The following IRAG2 variants were observed in gnomAD, a reference collection of about 807,000 sequenced individuals.
The protein encoded by IRAG2 is inositol 1,4,5-triphosphate receptor associated 2, also known as lymphoid restricted membrane protein.
In IRAG2, 45 loss-of-function variants were observed where a neutral mutation model predicts 69.9. The ratio of observed to expected loss-of-function variants is 0.64; its 90% CI spans 0.51 to 0.83. IRAG2 has a LOEUF of 0.83. IRAG2 is among the 40% of genes least tolerant of loss of function. The probability of loss-of-function intolerance (pLI) is 0.00; values close to 1 mark genes in which losing one functional copy is unlikely to be tolerated. For missense variants in IRAG2, 520 were observed against 587.0 expected, an observed-to-expected ratio of 0.89 and a Z score of 1.18; for synonymous variants, 193 against 202.4, an observed-to-expected ratio of 0.95 and a Z score of 0.40.
intron 15 of IRAG2, among the ~76,000 whole-genome samples, chr12:25,100,000 GAAA>G (rs56728551): frequency 2.1e-3 from 53 of 25,674 alleles, no homozygotes; most frequent in African/African-American, 4.6e-3. Flanking sequence ...GACTCCATCT[GAAA>G]AAAAAAAAAA....
intron 9 of IRAG2, among the ~76,000 whole-genome samples, chr12:25,028,621 G>A (rs536171190): frequency 1.3e-5 from 2 of 151,910 alleles, no homozygotes; most frequent in African/African-American, 4.8e-5. Context: ...ACATATTTTT[G>A]TTATCTGTCA....
intron 14 of IRAG2, 100 bp downstream of exon 14, chr12:25,090,297 C>A: frequency 9.2e-7 from 1 of 1,084,418 alleles, no homozygotes; most frequent in Non-Finnish European, 1.3e-6. Context: ...GCAGGAGGAT[C>A]ATGGGAGACC....
chr12:25,089,973 A>C (rs1266475820), intron 13 of IRAG2, 84 bp from the exon 14 acceptor site: 5 of 1,405,658 alleles, frequency 3.6e-6, no homozygotes, highest in African/African-American at 2.9e-5. Context: ...GAAATGCCTC[A>C]GTATAAAACA....
chr12:25,046,055 G>A (rs1394504196), intron 16 of IRAG2, among the ~76,000 whole-genome samples: 1 of 151,974 alleles, frequency 6.6e-6, no homozygotes, highest in African/African-American at 2.4e-5. Flanking sequence ...ATGCAAGGAT[G>A]GTTCAATATA....
chr12:25,060,641 G>C (rs1945560375), intron 1 of IRAG2, among the ~76,000 whole-genome samples: 1 of 149,954 alleles, frequency 6.7e-6, no homozygotes, highest in Non-Finnish European at 1.5e-5. Context: ...TAGGAGGTCA[G>C]ACTGAATGAC....
At chr12:25,049,052 T>C (rs1361817815), upstream of IRAG2, among the ~76,000 whole-genome samples, 7 of 152,190 alleles carry the variant, frequency 4.6e-5, no homozygotes, top group African/African-American at 1.7e-4. Context: ...ATCAGATGGT[T>C]GCTGGTGTAC....
chr12:25,032,511 T>A (rs1304185057), intron 12 of IRAG2: 1 of 396,804 alleles, frequency 2.5e-6, no homozygotes, highest in Non-Finnish European at 4.4e-6. Flanking sequence ...CCATGAGAAC[T>A]TCTTTGTGAG....
chr12:25,008,274 CTTGA>C (rs1354592947), intron 2 of IRAG2, among the ~76,000 whole-genome samples: 1 of 152,086 alleles, frequency 6.6e-6, no homozygotes, highest in Non-Finnish European at 1.5e-5. Flanking sequence ...AGGATAAAAG[CTTGA>C]TTGATTCTCT....
chr12:25,036,783 G>A, intron 15 of IRAG2: 1 of 395,778 alleles, frequency 2.5e-6, no homozygotes, highest in Non-Finnish European at 4.5e-6. Context: ...CTTTATTGTA[G>A]TCTTCTGCTA....
chr12:25,058,250 A>C (rs2139941331), intron 1 of IRAG2, among the ~76,000 whole-genome samples: 1 of 152,270 alleles, frequency 6.6e-6, no homozygotes, highest in Non-Finnish European at 1.5e-5. Flanking sequence ...CATCTTCAGT[A>C]TTTGGTAGTG....
At chr12:25,082,032 C>G (rs866017253) in intron 9 of IRAG2, among the ~76,000 whole-genome samples, 10 of 152,144 alleles carry the variant, frequency 6.6e-5, no homozygotes, top group Admixed American at 5.9e-4. Context: ...GTAGTTGGGA[C>G]TACGGGTGCA....
chr12:25,018,901 TC>T (rs1334959776), intron 6 of IRAG2, among the ~76,000 whole-genome samples: 1 of 152,246 alleles, frequency 6.6e-6, no homozygotes, highest in Non-Finnish European at 1.5e-5. Flanking sequence ...ACTGTCTGTT[TC>T]CTTTGGGTTC....
At chr12:25,031,024 G>A (rs1413681745) in intron 10 of IRAG2, 1 of 985,182 alleles carries the variant, frequency 1.0e-6, no homozygotes, top group African/African-American at 1.7e-5. Context: ...CTACAAAGGT[G>A]CTGGTTACGG....
intron 17 of IRAG2, 154 bp from the exon 18 acceptor site, chr12:25,103,683 C>T (rs1412291218): frequency 3.6e-6 from 2 of 559,512 alleles, no homozygotes; most frequent in Non-Finnish European, 6.3e-6. Flanking sequence ...TTCTGGAAGA[C>T]AATTTGGCCA....
chr12:25,074,488 T>C (rs751507565), intron 6 of IRAG2, among the ~76,000 whole-genome samples: 7 of 152,220 alleles, frequency 4.6e-5, no homozygotes, highest in South Asian at 2.1e-4. Flanking sequence ...TCACGACTCA[T>C]GTCTCTGCAG....
chr12:25,096,170 T>G (rs1948407909), intron 14 of IRAG2, among the ~76,000 whole-genome samples: 1 of 152,230 alleles, frequency 6.6e-6, no homozygotes, highest in Admixed American at 6.5e-5. Context: ...TTTTGAACAT[T>G]TCTAAAATTA....
chr12:24,997,879 G>A, the IRAG2 span, among the ~76,000 whole-genome samples: 4 of 152,238 alleles, frequency 2.6e-5, no homozygotes, highest in African/African-American at 9.6e-5. Context: ...ATGGGTAGCT[G>A]AGAGTGATAA....
the IRAG2 span, among the ~76,000 whole-genome samples, chr12:24,998,443 T>C: frequency 6.6e-6 from 1 of 152,210 alleles, no homozygotes; most frequent in South Asian, 2.1e-4. Context: ...GTTATTATTT[T>C]ATCACATAAA....
intron 16 of IRAG2, among the ~76,000 whole-genome samples, chr12:25,038,537 G>T (rs11609404): frequency 0.023 from 3,501 of 151,932 alleles, 56 homozygotes; most frequent in East Asian, 0.088. Context: ...AGCTACTTGG[G>T]AGGCTGATGC....
Sources: gnomAD v4.1 joint callset for allele counts (sites outside exome capture counted in the v4.1 genomes callset) on GRCh38, gnomAD v4.1.1 for gene constraint, MANE v1.5 for transcripts, NCBI Gene and HGNC (gene_info 2026-07-23, HGNC 2026-07-21) for gene names.